ADGRL2: variants seen among roughly 807,000 people sequenced by gnomAD.
ADGRL2 encodes calcium-independent alpha-latrotoxin receptor 2.
ADGRL2 carries 44 observed loss-of-function variants against 157.4 expected under a neutral mutation model. That is an observed-to-expected ratio of 0.28 (90% CI 0.22 to 0.36). ADGRL2 has a LOEUF of 0.36. Among genes scored for constraint, ADGRL2 ranks in the 10% least tolerant of loss-of-function variants. The pLI is 1.00. For synonymous variants in ADGRL2, 585 were observed against 624.7 expected, an observed-to-expected ratio of 0.94 and a Z score of 0.95; for missense variants, 1,510 against 1,768.9, an observed-to-expected ratio of 0.85 and a Z score of 2.63.
intron 2 of ADGRL2, among the ~76,000 whole-genome samples, chr1:81,789,440 G>C (rs933512823): frequency 6.6e-6 from 1 of 151,952 alleles, no homozygotes; most frequent in South Asian, 2.1e-4. Flanking sequence ...TTAAAAGCAG[G>C]AATGTTGCTG....
chr1:81,575,329 A>AT (rs2080776739), intron 2 of ADGRL2, among the ~76,000 whole-genome samples: 1 of 152,182 alleles, frequency 6.6e-6, no homozygotes, highest in Admixed American at 6.6e-5. Flanking sequence ...TCCAGTACAC[A>AT]TTTTTTAATT....
chr1:81,692,453 A>G (rs1423176743), intron 3 of ADGRL2, among the ~76,000 whole-genome samples: 1 of 152,240 alleles, frequency 6.6e-6, no homozygotes, highest in Admixed American at 6.5e-5. Context: ...CGCAGTGTTA[A>G]GCCAATTCCT....
intron 2 of ADGRL2, among the ~76,000 whole-genome samples, chr1:81,484,230 A>G (rs2078452236): frequency 6.6e-6 from 1 of 152,210 alleles, no homozygotes; most frequent in Non-Finnish European, 1.5e-5. Context: ...CTATTTCCTT[A>G]TTAATTCTAA....
In ADGRL2 at chr1:81,569,811, A is replaced by G. The variant is rs563553169; in HGVS notation, c.-247-11065A>G. 7.9e-5 allele frequency among the ~76,000 whole-genome samples: 12 copies of G among 152,292 alleles called. No individual in the cohort carries two copies. The East Asian group carries it at 2.3e-3, about 29-fold the overall frequency. ...GATGACAGAGCCAGACCTTGTCTCT[A>G]AAAACAAATTTAATTTAAAATTAAA... On this transcript the variant is annotated intron_variant, in intron 2 of 24. Coordinates refer to the ADGRL2 transcript ENST00000370721.
chr1:81,871,341 A>C (rs754351586), intron 2 of ADGRL2, among the ~76,000 whole-genome samples: 7 of 151,998 alleles, frequency 4.6e-5, no homozygotes, highest in Non-Finnish European at 8.8e-5. Flanking sequence ...TCATTGATGG[A>C]CATTTGGGTT....
chr1:81,961,675 T>C (rs1362903402), intron 11 of ADGRL2, among the ~76,000 whole-genome samples: 2 of 151,660 alleles, frequency 1.3e-5, no homozygotes, highest in Non-Finnish European at 2.9e-5. Context: ...GCCCAGCTAA[T>C]TTTTTTGTAT....
At chr1:81,766,881 G>A (rs1013688840) in intron 2 of ADGRL2, among the ~76,000 whole-genome samples, 2 of 148,824 alleles carry the variant, frequency 1.3e-5, no homozygotes, top group Non-Finnish European at 3.0e-5. Flanking sequence ...AATGCAGATC[G>A]TGAATACCCA....
At chr1:81,682,370 T>C (rs2083137870) in intron 3 of ADGRL2, among the ~76,000 whole-genome samples, 1 of 152,190 alleles carries the variant, frequency 6.6e-6, no homozygotes, top group African/African-American at 2.4e-5. Flanking sequence ...AGTAATTTCT[T>C]TTTTCATTTG....
At chr1:81,811,486 C>T (rs75473651) in intron 1 of ADGRL2, among the ~76,000 whole-genome samples, 34,645 of 151,316 alleles carry the variant, frequency 0.23, 4,955 homozygotes, top group Middle Eastern at 0.42. Flanking sequence ...ACGTTGCCCC[C>T]GAGACTTAGA....
intron 1 of ADGRL2, chr1:81,426,612 G>A (rs1268835918): frequency 2.1e-6 from 1 of 476,330 alleles, no homozygotes; most frequent in Non-Finnish European, 4.1e-6. Flanking sequence ...TAGTTTAAGA[G>A]AACATTTGGA....
intron 1 of ADGRL2, among the ~76,000 whole-genome samples, chr1:81,437,941 C>T (rs563961170): frequency 6.6e-6 from 1 of 151,850 alleles, no homozygotes; most frequent in East Asian, 1.9e-4. Flanking sequence ...GAGTCAGCCA[C>T]AAATGCCTAC....
At chr1:81,942,795 A>T (rs1648527729) in intron 5 of ADGRL2, 174 bp from the exon 6 acceptor site, 1 of 679,830 alleles carries the variant, frequency 1.5e-6, no homozygotes, top group African/African-American at 1.8e-5. Flanking sequence ...ACCCTGATAC[A>T]CTGATTATGC....
intron 3 of ADGRL2, among the ~76,000 whole-genome samples, chr1:81,653,962 A>G (rs760360340): frequency 6.6e-6 from 1 of 152,002 alleles, no homozygotes; most frequent in African/African-American, 2.4e-5. Flanking sequence ...TAATTGAGAC[A>G]GAGTCTCATT....
intron 2 of ADGRL2, among the ~76,000 whole-genome samples, chr1:81,575,625 C>G (rs1262327857): frequency 1.3e-5 from 2 of 151,988 alleles, no homozygotes; most frequent in East Asian, 3.9e-4. Context: ...AAAATGCCTG[C>G]TTGTAAATTC....
chr1:81,711,665 C>T (rs1358710265), intron 1 of ADGRL2, among the ~76,000 whole-genome samples: 1 of 152,018 alleles, frequency 6.6e-6, no homozygotes, highest in African/African-American at 2.4e-5. Flanking sequence ...TGGTTTGGTG[C>T]CACAGTTTTA....
chr1:81,839,877 A>T (rs1259634713), intron 2 of ADGRL2, among the ~76,000 whole-genome samples: 1 of 126,896 alleles, frequency 7.9e-6, no homozygotes, highest in Non-Finnish European at 1.8e-5. Context: ...TCCATCATAT[A>T]TATATATTTT....
chr1:81,500,112 A>G (rs760267021), intron 2 of ADGRL2, among the ~76,000 whole-genome samples: 2 of 152,232 alleles, frequency 1.3e-5, no homozygotes, highest in East Asian at 3.8e-4. Context: ...AAAAGATAAA[A>G]CACATCTCCT....
At chr1:81,880,815 T>C (rs1435292763) in intron 2 of ADGRL2, among the ~76,000 whole-genome samples, 2 of 152,054 alleles carry the variant, frequency 1.3e-5, no homozygotes, top group African/African-American at 4.8e-5. Flanking sequence ...ACAATGACAT[T>C]GGTGGGTTGG....
intron 2 of ADGRL2, among the ~76,000 whole-genome samples, chr1:81,519,460 AG>A (rs759304634): frequency 2.6e-5 from 4 of 152,202 alleles, no homozygotes; most frequent in Non-Finnish European, 5.9e-5. Context: ...TAGCAGTGAA[AG>A]AAAAAAAAAT....
Sources: gnomAD v4.1 joint callset for allele counts (sites outside exome capture counted in the v4.1 genomes callset) on GRCh38, gnomAD v4.1.1 for gene constraint, MANE v1.5 for transcripts, NCBI Gene and HGNC (gene_info 2026-07-23, HGNC 2026-07-21) for gene names.